Variants in ZFHX4 observed in about 807,000 individuals in gnomAD.
The protein encoded by ZFHX4 is zinc finger homeobox 4.
Under a neutral mutation model 267.6 loss-of-function variants are expected in ZFHX4, and 56 were observed. The observed-to-expected ratio is 0.21, with a 90% CI of 0.17 to 0.26. ZFHX4 has a LOEUF of 0.26. Among genes scored for constraint, ZFHX4 ranks in the 10% least tolerant of loss-of-function variants. The pLI is 1.00. For synonymous variants in ZFHX4, 1,778 were observed against 1,665.6 expected (o/e 1.07, Z -1.64); for missense variants, 4,332 against 4,420.0 (o/e 0.98, Z 0.56).
chr8:76,750,157 G>A (rs754018037), intron 3 of ZFHX4, among the ~76,000 whole-genome samples: 2 of 152,112 alleles, frequency 1.3e-5, no homozygotes, highest in Non-Finnish European at 2.9e-5. Context: ...ACCAAGATTA[G>A]GGTCTTGGAT....
At chr8:76,771,779 T>G (rs897449025) in intron 3 of ZFHX4, among the ~76,000 whole-genome samples, 2 of 152,192 alleles carry the variant, frequency 1.3e-5, no homozygotes, top group Non-Finnish European at 2.9e-5. Context: ...AATGAGAGCT[T>G]GTGGCAAGAG....
chr8:76,824,433 A>G (rs768796721), intron 4 of ZFHX4, among the ~76,000 whole-genome samples: 2 of 152,148 alleles, frequency 1.3e-5, no homozygotes, highest in Non-Finnish European at 2.9e-5. Flanking sequence ...TTTTTCTCTT[A>G]CCAGAAGGTG....
intron 1 of ZFHX4, among the ~76,000 whole-genome samples, chr8:76,684,562 G>C (rs1056356517): frequency 2.6e-5 from 4 of 152,140 alleles, no homozygotes; most frequent in Admixed American, 1.3e-4. Flanking sequence ...TGAAATATGG[G>C]GGAAATATCA....
At position 76,706,465 on chromosome 8, in the gene ZFHX4, CATA is replaced by C; in HGVS notation, c.2381_2383del (p.Asn794del). The stretch of plus-strand genomic sequence containing the variant: ...TCATATGACCAGCGAAAAGCACATG[CATA>C]ATATGATGCTTTTGCAGCAGAACAT... On this transcript the variant is annotated inframe_deletion, in exon 2 of 11. Coordinates refer to ENST00000651372, the MANE Select transcript of ZFHX4 (RefSeq NM_024721.5). The C allele has an allele frequency of 6.2e-7, 1 of 1,614,076 alleles. No homozygotes were observed. Among genetic ancestry groups the C allele is most frequent in the Non-Finnish European group, 8.5e-7 (1 of 1,179,960 alleles).
chr8:76,782,157 A>G (rs957368926), intron 4 of ZFHX4: 2 of 410,164 alleles, frequency 4.9e-6, no homozygotes, highest in African/African-American at 4.5e-5. Flanking sequence ...TTCTTGCCAA[A>G]TCTTCTGGAG....
At chr8:76,842,368 T>C (rs1812256949) in intron 5 of ZFHX4, among the ~76,000 whole-genome samples, 1 of 152,240 alleles carries the variant, frequency 6.6e-6, no homozygotes, top group African/African-American at 2.4e-5. Flanking sequence ...TTATACCCAA[T>C]TTTTAAATAT....
intron 3 of ZFHX4, among the ~76,000 whole-genome samples, chr8:76,743,156 G>A (rs1300935692): frequency 6.6e-6 from 1 of 152,214 alleles, no homozygotes. Flanking sequence ...ATTAAGAGTA[G>A]AGAGTTTGCC....
chr8:76,766,375 C>G (rs1266381000), intron 3 of ZFHX4, among the ~76,000 whole-genome samples: 3 of 152,130 alleles, frequency 2.0e-5, no homozygotes, highest in Non-Finnish European at 2.9e-5. Context: ...CCATTAAGAA[C>G]TATTCAAAAG....
chr8:76,767,779 A>G (rs770936070), intron 3 of ZFHX4, among the ~76,000 whole-genome samples: 5 of 152,312 alleles, frequency 3.3e-5, no homozygotes, highest in African/African-American at 4.8e-5. Context: ...GTTTCCTGTC[A>G]TTAAAGGAGA....
intron 2 of ZFHX4, among the ~76,000 whole-genome samples, chr8:76,707,343 G>T (rs982758488): frequency 2.1e-4 from 32 of 152,120 alleles, no homozygotes; most frequent in African/African-American, 7.5e-4. Context: ...ATGCCCAGTA[G>T]GAGTAATTAA....
At chr8:76,768,393 T>C (rs1490546543) in intron 3 of ZFHX4, among the ~76,000 whole-genome samples, 5 of 152,152 alleles carry the variant, frequency 3.3e-5, no homozygotes, top group Non-Finnish European at 5.9e-5. Flanking sequence ...TGATGCCAAG[T>C]GCTCACTTTG....
intron 1 of ZFHX4, chr8:76,682,688 C>T (rs777318336): frequency 2.6e-5 from 4 of 152,128 alleles, no homozygotes; most frequent in African/African-American, 4.9e-5. Context: ...TGTGCGTGTG[C>T]GTGTGTGTGT....
rs185450741 is a variant in ZFHX4, at chr8:76,799,942, A to T, written c.3325+21503A>T. ...TTCCGAGTTTGGTGTGTTGCTTTTG[A>T]AAAGAAAGATTAGTGTGTTCTGTAA... is the stretch of plus-strand genomic sequence containing the variant. On this transcript the variant is annotated intron_variant, in intron 4 of 10. Transcript: ENST00000651372. Among the ~76,000 whole-genome samples, 13 of 152,228 alleles carry T rather than the reference A, an allele frequency of 8.5e-5. 1 individual carries two copies. Among genetic ancestry groups the T allele is most frequent in the Middle Eastern group, 3.4e-3 (1 of 294 alleles).
chr8:76,709,830 T>C (rs1808378602), intron 3 of ZFHX4, among the ~76,000 whole-genome samples: 1 of 150,790 alleles, frequency 6.6e-6, no homozygotes, highest in African/African-American at 2.4e-5. Flanking sequence ...TGTGTGTGTG[T>C]GTAAGTTTAT....
At chr8:76,696,647 A>C (rs540903235) in intron 1 of ZFHX4, among the ~76,000 whole-genome samples, 1 of 151,594 alleles carries the variant, frequency 6.6e-6, no homozygotes, top group Non-Finnish European at 1.5e-5. Context: ...AAAAAAAAAA[A>C]AAAACTCAAA....
chr8:76,837,304 C>T (rs759894600), intron 5 of ZFHX4, among the ~76,000 whole-genome samples: 1 of 151,850 alleles, frequency 6.6e-6, no homozygotes, highest in Non-Finnish European at 1.5e-5. Context: ...AAGAGAGGCA[C>T]GATTTTCCAG....
chr8:76,851,776 A>G lies in ZFHX4; in HGVS notation c.4855A>G (p.Thr1619Ala), dbSNP rs762190342. The G allele has an allele frequency of 4.3e-6, 7 of 1,613,842 alleles. No individual in the cohort carries two copies. Among genetic ancestry groups the G allele is most frequent in the Non-Finnish European group, 5.1e-6 (6 of 1,179,882 alleles). ...CCACATGAGGTCTGTGCTCCACCAG[A>G]CAAAGGCTAGGGCTGCAAAGCTGGA... ...EIHMRSVLHQ[T>A]KARAAKLEPS... The change falls in exon 10 of 11, where the codon ACA (threonine) becomes GCA (alanine). Residue 1619 changes from threonine (T) to alanine (A), a missense_variant. Thr to Ala is a moderately conservative substitution (Grantham distance 58). Around this residue, in one of 7 missense-constraint regions of ZFHX4, gnomAD observed 1,371 missense variants for 1,423.1 expected, o/e 0.96. Transcript: ENST00000651372.
chr8:76,848,977 A>C lies in ZFHX4; in HGVS notation c.3512-18A>C. Reference sequence around the variant, plus strand: ...TTGTGTTTTTAAATTGAATTGTTCTATTCTTTTTGGGAATCAGGGATAATC... The same window carrying C: ...TTGTGTTTTTAAATTGAATTGTTCTCTTCTTTTTGGGAATCAGGGATAATC... On this transcript the variant is annotated intron_variant, in intron 6 of 10. Transcript: ENST00000651372. 2 of 1,504,858 alleles carry C rather than the reference A, an allele frequency of 1.3e-6. No homozygotes were observed. The highest frequency in any genetic ancestry group is 1.8e-6 in the Non-Finnish European group (2 of 1,129,652). 93.2% of individuals were successfully genotyped at this position (1,504,858 alleles called of 1,614,324 possible).
At chr8:76,844,633 C>T (rs1812319362) in intron 6 of ZFHX4, among the ~76,000 whole-genome samples, 2 of 152,044 alleles carry the variant, frequency 1.3e-5, no homozygotes, top group Admixed American at 1.3e-4. Flanking sequence ...CCTAATTGTA[C>T]CATCCAGACA....
Sources: allele counts gnomAD v4.1 joint callset (sites outside exome capture counted in the v4.1 genomes callset), GRCh38; gene constraint gnomAD v4.1.1; regional missense constraint gnomAD v4.1.1; transcripts MANE v1.5; gene names NCBI Gene and HGNC (gene_info 2026-07-23, HGNC 2026-07-21).